Variants in RPH3AL observed in about 807,000 individuals in gnomAD.
RPH3AL encodes the protein rab effector Noc2.
In RPH3AL, 38 loss-of-function variants were observed where a neutral mutation model predicts 43.1. The ratio of observed to expected loss-of-function variants is 0.88; its 90% CI spans 0.68 to 1.15. The LOEUF (loss-of-function observed/expected upper bound fraction) is 1.15, where lower values mean the gene tolerates loss of function less well. RPH3AL is among the 50% of genes most tolerant of loss of function. The probability of loss-of-function intolerance (pLI) is 0.00; values close to 1 mark genes in which losing one functional copy is unlikely to be tolerated. For synonymous variants in RPH3AL, 189 were observed against 176.3 expected (o/e 1.07, Z -0.57); for missense variants, 462 against 423.2 (o/e 1.09, Z -0.81).
chr17:314,683 T>TGACCTGTAGTCCCTCTGCC (rs1567507859), intron 5 of RPH3AL, among the ~76,000 whole-genome samples: 2 of 32,194 alleles, frequency 6.2e-5, no homozygotes, highest in Non-Finnish European at 1.0e-4. Context: ...TCTCTGTGAC[T>TGACCTGTAGTCCCTCTGCC]CCACCTCCAT....
chr17:241,693 G>A (rs1469255766), intron 7 of RPH3AL, among the ~76,000 whole-genome samples: 1 of 149,060 alleles, frequency 6.7e-6, no homozygotes, highest in East Asian at 2.0e-4. Flanking sequence ...AGGGTAAGTA[G>A]AAGAGATGTT....
Position 246,918 on chromosome 17 carries a change from A to G in RPH3AL, c.613+193T>C, listed in dbSNP as rs1347051914. Reference sequence around the variant, plus strand: ...CGCCGCACTCCTGCACAGAGCGAACAGTCACCTGCTGGAGGTCCCCGCTGC... The same window carrying G: ...CGCCGCACTCCTGCACAGAGCGAACGGTCACCTGCTGGAGGTCCCCGCTGC... On this transcript the variant is annotated intron_variant, in intron 7 of 9. Coordinates refer to ENST00000331302, the MANE Select transcript of RPH3AL (RefSeq NM_006987.4). This position sits in a 1 kb window ranked among gnomAD's most constrained non-coding sequence, Gnocchi z 4.8. Among the ~76,000 whole-genome samples the G allele has an allele frequency of 6.6e-6, 1 of 152,192 alleles. No homozygotes were observed. The highest frequency in any genetic ancestry group is 1.5e-5 in the Non-Finnish European group (1 of 68,026).
rs560216671 is a variant in RPH3AL at position 235,569 on chromosome 17, C to T, written c.613+11542G>A. Among the ~76,000 whole-genome samples the T allele has an allele frequency of 8.5e-4, 101 of 119,302 alleles. 2 individuals are homozygous for T. The highest frequency in any genetic ancestry group is 1.1e-3 in the Non-Finnish European group (59 of 53,694). 78.3% of individuals were successfully genotyped at this position (119,302 alleles called of 152,430 possible). On this transcript the variant is annotated intron_variant, in intron 7 of 9. Coordinates refer to ENST00000331302, the MANE Select transcript of RPH3AL (RefSeq NM_006987.4). Reference sequence around the variant, plus strand: ...CGGGTCCCGGGTTCAAAGCTGGGGTCGGTGGAGGCTCCACACTAACAAGAC... The same window carrying T: ...CGGGTCCCGGGTTCAAAGCTGGGGTTGGTGGAGGCTCCACACTAACAAGAC...
chr17:219,757 C>T, intron 7 of RPH3AL, 21 bp from the exon 8 acceptor site: 1 of 1,581,950 alleles, frequency 6.3e-7, no homozygotes, highest in Non-Finnish European at 8.7e-7. Flanking sequence ...CAGACCACAG[C>T]ACAGGAGGTC....
At chr17:285,895 T>C (rs973699231) in intron 5 of RPH3AL, among the ~76,000 whole-genome samples, 1 of 152,054 alleles carries the variant, frequency 6.6e-6, no homozygotes, top group Admixed American at 6.5e-5. Flanking sequence ...TCACCTCCCC[T>C]GCGATTCACT....
At chr17:216,608 A>AG (rs893061567) in intron 8 of RPH3AL, among the ~76,000 whole-genome samples, 1 of 151,950 alleles carries the variant, frequency 6.6e-6, no homozygotes, top group Non-Finnish European at 1.5e-5. Flanking sequence ...TGGGAGGAGG[A>AG]GGGGAGTATA....
intron 6 of RPH3AL, among the ~76,000 whole-genome samples, chr17:266,197 C>T (rs904311670): frequency 3.3e-5 from 5 of 149,486 alleles, no homozygotes; most frequent in African/African-American, 1.0e-4. Context: ...ACTTTAAGGC[C>T]CCAGTGGTGT....
chr17:272,995 T>TGACATCAGGAA (rs2042530986), intron 6 of RPH3AL, among the ~76,000 whole-genome samples: 1 of 32,770 alleles, frequency 3.1e-5, no homozygotes, highest in African/African-American at 9.7e-5. Context: ...TACGTCAGGG[T>TGACATCAGGAA]GAGACCCCAG....
Position 309,579 on chromosome 17 carries a change from C to CTGGGGGT in RPH3AL, c.351+9840_351+9841insACCCCCA, listed in dbSNP as rs1567636212. Reference sequence around the variant, plus strand: ...GGGATATGGCACGTCCCCTGCCCTGCCCCAGGCTCCTGCCAGCCTCCTGCT... The same window carrying CTGGGGGT: ...GGGATATGGCACGTCCCCTGCCCTGCTGGGGGTCCCAGGCTCCTGCCAGCCTCCTGCT... On this transcript the variant is annotated intron_variant, in intron 5 of 9. Coordinates refer to ENST00000331302, the MANE Select transcript of RPH3AL (RefSeq NM_006987.4). Among the ~76,000 whole-genome samples the CTGGGGGT allele has an allele frequency of 1.9e-3, 60 of 31,104 alleles. 2 individuals carry two copies. Among genetic ancestry groups the CTGGGGGT allele is most frequent in the East Asian group, 5.9e-3 (3 of 512 alleles). 20.4% of individuals were successfully genotyped at this position (31,104 alleles called of 152,430 possible).
At position 321,115 on chromosome 17, in the gene RPH3AL, G is replaced by A. The variant is rs1029207533; in HGVS notation, c.221+157C>T. ...GGGTTACACTCCCAGAGTTCAGACAGAGCACCCTTCAGCAAGGGCTGGAGT... is the reference window on the plus strand; with the variant it reads ...GGGTTACACTCCCAGAGTTCAGACAAAGCACCCTTCAGCAAGGGCTGGAGT... On this transcript the variant is annotated intron_variant, in intron 4 of 9. Coordinates refer to ENST00000331302, the MANE Select transcript of RPH3AL (RefSeq NM_006987.4). 2.6e-5 allele frequency among the ~76,000 whole-genome samples: 4 copies of A among 152,346 alleles called. No individual in the cohort carries two copies. The East Asian group carries it at 7.7e-4, about 29-fold the overall frequency.
intron 8 of RPH3AL, 31 bp downstream of exon 8, chr17:219,592 C>T: frequency 7.6e-7 from 1 of 1,314,958 alleles, no homozygotes; most frequent in South Asian, 1.2e-5. Context: ...CCGTGCCCGG[C>T]CAATAAGCAG....
Position 315,126 on chromosome 17 carries a change from T to C in RPH3AL, c.351+4294A>G, listed in dbSNP as rs984702345. Among the ~76,000 whole-genome samples, 178 of 116,828 alleles carry C rather than the reference T, an allele frequency of 1.5e-3. 5 individuals carry two copies. The highest frequency in any genetic ancestry group is 6.0e-3 in the African/African-American group (171 of 28,416). The allele number at this position is 116,828 out of a possible 152,430, so 76.6% of individuals were successfully genotyped here. A position where few individuals can be genotyped will look rare whatever the true frequency, so the allele number is the denominator to read the frequency against. On this transcript the variant is annotated intron_variant, in intron 5 of 9. Transcript: ENST00000331302. ...TGACCCCACCTCCATTGACCTGTAG[T>C]CTCTGTGCTCCACCTCCATTGACCT...
rs201694855 is a variant in RPH3AL, at chr17:213,843, C to G, written c.*9G>C. 2 of 1,610,258 alleles carry G rather than the reference C, an allele frequency of 1.2e-6. No homozygotes were observed. The highest frequency in any genetic ancestry group is 1.3e-5 in the African/African-American group (1 of 75,010). On this transcript the variant is annotated 3_prime_UTR_variant, in exon 10 of 10. Transcript: ENST00000331302. Reference sequence around the variant, plus strand: ...TCCACAGGGAAGTCTGTTCCAGGCACCAGACACCTCAGCCCAGGCAGCTGG... The same window carrying G: ...TCCACAGGGAAGTCTGTTCCAGGCAGCAGACACCTCAGCCCAGGCAGCTGG...
intron 7 of RPH3AL, among the ~76,000 whole-genome samples, chr17:221,404 C>T (rs1189368613): frequency 7.2e-6 from 1 of 138,694 alleles, no homozygotes; most frequent in African/African-American, 2.9e-5. Context: ...AGAACAACAG[C>T]TCTGAGGCCT....
intron 7 of RPH3AL, among the ~76,000 whole-genome samples, chr17:226,894 T>C (rs900614510): frequency 2.0e-5 from 3 of 152,226 alleles, no homozygotes; most frequent in Non-Finnish European, 4.4e-5. Flanking sequence ...TACATTTTTT[T>C]TCTCTCTAAT....
At chr17:261,377 A>G (rs897512826) in intron 6 of RPH3AL, among the ~76,000 whole-genome samples, 1 of 152,216 alleles carries the variant, frequency 6.6e-6, no homozygotes, top group Non-Finnish European at 1.5e-5. Flanking sequence ...GTGAGGGCAC[A>G]GCGGGAACAC....
At chr17:332,861 T>C in intron 2 of RPH3AL, 1 of 500,988 alleles carries the variant, frequency 2.0e-6, no homozygotes, top group African/African-American at 2.0e-5. Context: ...GCACTCGGGC[T>C]GGCCGGCCCA....
intron 7 of RPH3AL, among the ~76,000 whole-genome samples, chr17:231,524 C>T (rs1307938481): frequency 2.7e-5 from 4 of 148,790 alleles, no homozygotes; most frequent in Admixed American, 2.0e-4. Context: ...GGAGCCAGGG[C>T]GGTTATCTCC....
At chr17:275,232 G>T (rs565730484) in intron 6 of RPH3AL, among the ~76,000 whole-genome samples, 1 of 74,166 alleles carries the variant, frequency 1.3e-5, no homozygotes. Flanking sequence ...ATTCATAACA[G>T]CAAAAAAAAC....
Sources: allele counts gnomAD v4.1 joint callset (sites outside exome capture counted in the v4.1 genomes callset), GRCh38; gene constraint gnomAD v4.1.1; non-coding constraint Gnocchi (gnomAD v3.1); transcripts MANE v1.5; gene names NCBI Gene and HGNC (gene_info 2026-07-23, HGNC 2026-07-21).